Variants in USPL1 observed in about 807,000 individuals in gnomAD.
The protein encoded by USPL1 is SUMO-specific isopeptidase USPL1.
A neutral mutation model predicts 51.5 loss-of-function variants in USPL1; 27 were observed. That is an observed-to-expected ratio of 0.52 (90% CI 0.39 to 0.72). The LOEUF is 0.72. Ranked by LOEUF, USPL1 falls within the 30% of genes least tolerant of loss-of-function variation. The pLI is 0.00. For synonymous variants in USPL1, 451 were observed against 459.6 expected, an observed-to-expected ratio of 0.98 and a Z score of 0.24; for missense variants, 1,226 against 1,268.0, an observed-to-expected ratio of 0.97 and a Z score of 0.50.
At chr13:30,638,661 T>C (rs953183118) in intron 5 of USPL1, among the ~76,000 whole-genome samples, 2 of 151,976 alleles carry the variant, frequency 1.3e-5, no homozygotes, top group African/African-American at 4.8e-5. Flanking sequence ...TTAACTCTTC[T>C]ATTAATGTTA....
intron 4 of USPL1, among the ~76,000 whole-genome samples, chr13:30,635,901 T>A (rs1950869825): frequency 6.6e-6 from 1 of 152,224 alleles, no homozygotes; most frequent in Non-Finnish European, 1.5e-5. Context: ...TCTTGCTGAA[T>A]ACAGTTTTCA....
At chr13:30,653,588 TCA>T (rs1160749263) in intron 8 of USPL1, among the ~76,000 whole-genome samples, 17 of 152,298 alleles carry the variant, frequency 1.1e-4, no homozygotes, top group Admixed American at 1.0e-3. Flanking sequence ...TACTGTTAGC[TCA>T]GTTTTTTTTT....
chr13:30,622,963 A>C (rs1390757772), intron 3 of USPL1, among the ~76,000 whole-genome samples: 2 of 152,134 alleles, frequency 1.3e-5, no homozygotes, highest in African/African-American at 4.8e-5. Flanking sequence ...TACAATAATA[A>C]AACAAAAATT....
chr13:30,650,644 G>A (rs1007626723), intron 7 of USPL1, among the ~76,000 whole-genome samples: 1 of 151,012 alleles, frequency 6.6e-6, no homozygotes, highest in African/African-American at 2.4e-5. Flanking sequence ...GGTGTATCCC[G>A]ACTTCAGAGA....
At position 30,630,855 on chromosome 13, in the gene USPL1, T is replaced by TA; in HGVS notation, c.252dup (p.Ser85IlefsTer3). 1 of 1,608,444 alleles carries TA rather than the reference T, an allele frequency of 6.2e-7. No individual in the cohort carries two copies. Among genetic ancestry groups the TA allele is most frequent in the Non-Finnish European group, 8.5e-7 (1 of 1,177,552 alleles). ...TCCAGTGCATCTATCCTTTGGGCTC[T>TA]AAATCACTTAATAACCTAATTTCTC... On this transcript the variant is annotated frameshift_variant, in exon 4 of 9. Transcript: ENST00000255304. LOFTEE classifies it high-confidence loss of function.
chr13:30,653,004 G>A, intron 7 of USPL1, 144 bp from the exon 8 acceptor site: 1 of 685,172 alleles, frequency 1.5e-6, no homozygotes, highest in South Asian at 2.3e-5. Context: ...TCTAATTAAG[G>A]CACACATCTG....
At chr13:30,647,141 A>G (rs2137691222) in intron 7 of USPL1, 84 bp downstream of exon 7, 1 of 1,384,248 alleles carries the variant, frequency 7.2e-7, no homozygotes. Context: ...GAAAATGGTG[A>G]CAACAACTTA....
Position 30,659,552 on chromosome 13 carries a change from T to C in USPL1, c.*196T>C. The stretch of plus-strand genomic sequence containing the variant: ...CACATTAAAATCACTGAATGTGTTC[T>C]CCTTTTTGGTTTCATTTTGTTCTTG... On this transcript the variant is annotated 3_prime_UTR_variant, in exon 9 of 9. Transcript: ENST00000255304. 4 of 410,362 alleles carry C rather than the reference T, an allele frequency of 9.7e-6. No individual in the cohort carries two copies. The highest frequency in any genetic ancestry group is 8.6e-6 in the Non-Finnish European group (2 of 233,572). 25.4% of individuals were successfully genotyped at this position (410,362 alleles called of 1,614,324 possible).
intron 7 of USPL1, among the ~76,000 whole-genome samples, chr13:30,652,538 A>G (rs1292089228): frequency 6.6e-6 from 1 of 152,238 alleles, no homozygotes; most frequent in Non-Finnish European, 1.5e-5. Context: ...GTAAAATACA[A>G]TTTTGAAATT....
At chr13:30,629,964 T>C (rs1379219313) in intron 3 of USPL1, among the ~76,000 whole-genome samples, 2 of 143,642 alleles carry the variant, frequency 1.4e-5, no homozygotes, top group African/African-American at 5.8e-5. Context: ...ATTAATTAAC[T>C]ATTATTATTA....
intron 3 of USPL1, among the ~76,000 whole-genome samples, chr13:30,625,487 C>T (rs1362407236): frequency 1.4e-5 from 2 of 142,554 alleles, no homozygotes; most frequent in Non-Finnish European, 1.5e-5. Context: ...CGCTCTGTCA[C>T]GAGGCTGGAG....
At position 30,658,498 on chromosome 13, in the gene USPL1, G is replaced by T; in HGVS notation, c.2421G>T (p.Lys807Asn). Residue 807 changes from lysine (K) to asparagine (N), a missense_variant, in exon 9 of 9, where the codon AAG becomes AAT. Physicochemically the swap from Lys to Asn is moderately conservative, Grantham distance 94 (BLOSUM62 0). Transcript: ENST00000255304. Reference sequence around the variant, plus strand: ...TTAAAACTAAAGGTATAAACCAGAAGGCCAGCCACGTATCCAAGAAAGCTC... The same window carrying T: ...TTAAAACTAAAGGTATAAACCAGAATGCCAGCCACGTATCCAAGAAAGCTC... Reference protein sequence around the residue: ...GGFKTKGINQKASHVSKKARK... With the variant: ...GGFKTKGINQNASHVSKKARK... The T allele has an allele frequency of 6.2e-7, 1 of 1,613,954 alleles. No individual in the cohort carries two copies. Among genetic ancestry groups the T allele is most frequent in the Non-Finnish European group, 8.5e-7 (1 of 1,180,026 alleles).
intron 3 of USPL1, among the ~76,000 whole-genome samples, chr13:30,622,984 A>G (rs1291662123): frequency 1.3e-5 from 2 of 152,062 alleles, no homozygotes; most frequent in Non-Finnish European, 2.9e-5. Flanking sequence ...TCTTGCCCTT[A>G]AGGAAGTTAT....
intron 3 of USPL1, 67 bp from the exon 4 acceptor site, chr13:30,630,768 T>G (rs1950791208): frequency 9.0e-6 from 13 of 1,452,002 alleles, no homozygotes; most frequent in Non-Finnish European, 1.1e-5. Flanking sequence ...TTTCATGATA[T>G]GAAAACTATA....
chr13:30,643,713 G>T (rs1950980453), intron 6 of USPL1, among the ~76,000 whole-genome samples: 1 of 147,960 alleles, frequency 6.8e-6, no homozygotes, highest in Non-Finnish European at 1.5e-5. Context: ...GGGTTAAAGC[G>T]ATTCTCCTTC....
chr13:30,620,940 T>C (rs978374794), intron 1 of USPL1, 133 bp from the exon 2 acceptor site: 3 of 438,186 alleles, frequency 6.8e-6, no homozygotes, highest in Non-Finnish European at 1.2e-5. Context: ...AAGATTATAA[T>C]TTTAGAATAT....
At position 30,621,187 on chromosome 13, in the gene USPL1, C is replaced by T; in HGVS notation, c.47C>T (p.Pro16Leu). The change falls in exon 2 of 9, where the codon CCA becomes CTA. Residue 16 changes from proline to leucine, a missense_variant. Physicochemically the swap from Pro to Leu is moderately conservative, Grantham distance 98. Transcript: ENST00000255304. The part of the protein sequence containing the change: ...KIGNGLPVIG[P>L]GTDIGISSLH... ...GGAAATGGTTTGCCAGTGATTGGAC[C>T]AGGGACTGATATAGGGATATCTTCA... 6.2e-7 allele frequency: 1 copy of T among 1,608,076 alleles called. No individual in the cohort carries two copies. The highest frequency in any genetic ancestry group is 1.1e-5 in the South Asian group (1 of 89,310).
At chr13:30,623,137 G>A (rs1023074889) in intron 3 of USPL1, among the ~76,000 whole-genome samples, 1 of 151,930 alleles carries the variant, frequency 6.6e-6, no homozygotes, top group African/African-American at 2.4e-5. Context: ...TGAGGGGAAC[G>A]CTTCAATGAA....
chr13:30,642,188 G>A (rs1197460270), intron 5 of USPL1, among the ~76,000 whole-genome samples: 1 of 152,154 alleles, frequency 6.6e-6, no homozygotes, highest in Non-Finnish European at 1.5e-5. Flanking sequence ...ATTCTCAGAG[G>A]TAACGCAAGC....
Sources: allele counts gnomAD v4.1 joint callset (sites outside exome capture counted in the v4.1 genomes callset), GRCh38; gene constraint gnomAD v4.1.1; transcripts MANE v1.5; gene names NCBI Gene and HGNC (gene_info 2026-07-23, HGNC 2026-07-21).